Variants in CTCF observed in about 807,000 individuals in gnomAD.
The protein encoded by CTCF is CCCTC-binding factor.
CTCF carries 7 observed loss-of-function variants against 72.3 expected under a neutral mutation model. The observed-to-expected ratio is 0.10, with a 90% CI of 0.06 to 0.18. The LOEUF (loss-of-function observed/expected upper bound fraction) is 0.18, where lower values mean the gene tolerates loss of function less well. Among genes scored for constraint, CTCF ranks in the 10% least tolerant of loss-of-function variants. The pLI is 1.00. For missense variants in CTCF, 516 were observed against 949.1 expected, an observed-to-expected ratio of 0.54 and a Z score of 6.00; for synonymous variants, 374 against 315.8, an observed-to-expected ratio of 1.18 and a Z score of -1.95.
intron 2 of CTCF, among the ~76,000 whole-genome samples, chr16:67,582,553 TATG>T (rs2051599102): frequency 6.6e-6 from 1 of 151,796 alleles, no homozygotes; most frequent in Non-Finnish European, 1.5e-5. Flanking sequence ...ATCAGCCGAA[TATG>T]GTGGTGGGTG....
intron 4 of CTCF, 173 bp downstream of exon 4, chr16:67,612,294 A>G: frequency 1.9e-6 from 1 of 524,200 alleles, no homozygotes; most frequent in Non-Finnish European, 3.2e-6. Flanking sequence ...ATTATAGACA[A>G]ATGTAAAGAA....
intron 10 of CTCF, among the ~76,000 whole-genome samples, chr16:67,631,261 G>C (rs905911309): frequency 1.3e-5 from 2 of 150,866 alleles, no homozygotes; most frequent in African/African-American, 2.5e-5. Flanking sequence ...CACCTTCTGG[G>C]TTCAAGCGAT....
At chr16:67,605,641 C>T (rs1567606106) in intron 2 of CTCF, among the ~76,000 whole-genome samples, 1 of 152,184 alleles carries the variant, frequency 6.6e-6, no homozygotes, top group South Asian at 2.1e-4. Flanking sequence ...CCTTAAAGAG[C>T]TTTCACACCC....
At chr16:67,624,118 T>TGTGTA (rs1491213745) in intron 7 of CTCF, among the ~76,000 whole-genome samples, 3 of 120,982 alleles carry the variant, frequency 2.5e-5, no homozygotes, top group East Asian at 2.2e-4. Flanking sequence ...TGTGTGTGTA[T>TGTGTA]GTGTGTGTAT....
chr16:67,629,315 A>G (rs2052331909), intron 9 of CTCF, 83 bp from the exon 10 acceptor site: 1 of 1,361,760 alleles, frequency 7.3e-7, no homozygotes, highest in Non-Finnish European at 1.0e-6. Flanking sequence ...TAGGCTTAAT[A>G]TGGATTTTAT....
chr16:67,589,123 C>G (rs1235578494), intron 2 of CTCF, among the ~76,000 whole-genome samples: 1 of 152,058 alleles, frequency 6.6e-6, no homozygotes, highest in Non-Finnish European at 1.5e-5. Context: ...AAGACCCCAC[C>G]TCTACAAAAT....
chr16:67,624,099 G>GTGTGTGTT (rs2052244877), intron 7 of CTCF, among the ~76,000 whole-genome samples: 3 of 131,662 alleles, frequency 2.3e-5, no homozygotes, highest in African/African-American at 9.3e-5. Context: ...GTGTGTGTGT[G>GTGTGTGTT]TGTGTGTGTG....
chr16:67,577,169 A>G (rs2051508439), intron 2 of CTCF, among the ~76,000 whole-genome samples: 1 of 151,638 alleles, frequency 6.6e-6, no homozygotes, highest in African/African-American at 2.4e-5. Flanking sequence ...CTGTAATCCC[A>G]GCACTTCGGG....
At chr16:67,629,958 A>G (rs1597727844) in intron 10 of CTCF, among the ~76,000 whole-genome samples, 1 of 149,608 alleles carries the variant, frequency 6.7e-6, no homozygotes, top group African/African-American at 2.5e-5. Flanking sequence ...TGTATTTTTT[A>G]GTAGAGACGG....
At chr16:67,615,758 G>A (rs74026415) in intron 4 of CTCF, 1 of 152,088 alleles carries the variant, frequency 6.6e-6, no homozygotes, top group Non-Finnish European at 1.5e-5. Flanking sequence ...CTAAAGAATC[G>A]AATGAACAAA....
At chr16:67,609,224 T>C (rs868541096) in intron 2 of CTCF, among the ~76,000 whole-genome samples, 13 of 152,182 alleles carry the variant, frequency 8.5e-5, no homozygotes, top group African/African-American at 2.9e-4. Flanking sequence ...CTAATTCATA[T>C]ATGCATCATC....
intron 2 of CTCF, among the ~76,000 whole-genome samples, chr16:67,608,272 G>A (rs55857280): frequency 2.6e-5 from 4 of 151,098 alleles, no homozygotes; most frequent in Non-Finnish European, 4.4e-5. Flanking sequence ...TGCAGTGAGC[G>A]GAGATCGTGC....
At chr16:67,624,158 TATATATATATGTATTC>T (rs1394878742) in intron 7 of CTCF, among the ~76,000 whole-genome samples, 3 of 141,120 alleles carry the variant, frequency 2.1e-5, no homozygotes, top group Non-Finnish European at 3.1e-5. Context: ...TATATGTGTG[TATATATATATGTATTC>T]ATATATATAT....
At position 67,611,938 on chromosome 16, in the gene CTCF, A is replaced by G. The variant is rs763322010; in HGVS notation, c.782-13A>G. 3 of 1,612,316 alleles carry G rather than the reference A, an allele frequency of 1.9e-6. No homozygotes were observed. Among genetic ancestry groups the G allele is most frequent in the Admixed American group, 1.7e-5 (1 of 59,938 alleles). ...AAACTCTGCAGCAAGTAAGTGTTTT[A>G]TTTTGCACATAGGTGTAAAGAAGAC... On this transcript the variant is annotated splice_polypyrimidine_tract_variant and intron_variant, in intron 3 of 11. Transcript: ENST00000264010.
chr16:67,600,208 A>G (rs912953975), intron 2 of CTCF, among the ~76,000 whole-genome samples: 3 of 152,002 alleles, frequency 2.0e-5, no homozygotes, highest in Admixed American at 1.3e-4. Flanking sequence ...CCTTTTTAGT[A>G]AGGACAGATA....
chr16:67,631,353 T>G (rs1359432518), intron 10 of CTCF, among the ~76,000 whole-genome samples: 3 of 151,858 alleles, frequency 2.0e-5, no homozygotes, highest in Non-Finnish European at 4.4e-5. Flanking sequence ...TTAGTAGAGA[T>G]AGGGTTTCAC....
intron 7 of CTCF, among the ~76,000 whole-genome samples, chr16:67,624,131 A>G (rs865843939): frequency 0.041 from 5,685 of 139,040 alleles, 138 homozygotes; most frequent in Non-Finnish European, 0.048. Flanking sequence ...GTGTGTATAT[A>G]TATGTGTGTG....
intron 2 of CTCF, among the ~76,000 whole-genome samples, chr16:67,588,115 C>A (rs2142758038): frequency 1.3e-5 from 2 of 152,246 alleles, no homozygotes; most frequent in East Asian, 3.9e-4. Context: ...GCCTCGGTCT[C>A]CCAAAGTGCT....
At chr16:67,599,656 T>A (rs1209815976) in intron 2 of CTCF, among the ~76,000 whole-genome samples, 1 of 152,198 alleles carries the variant, frequency 6.6e-6, no homozygotes, top group Non-Finnish European at 1.5e-5. Flanking sequence ...AAAATTTTTT[T>A]ATCTAAGCTT....
Sources: gnomAD v4.1 joint callset for allele counts (sites outside exome capture counted in the v4.1 genomes callset) on GRCh38, gnomAD v4.1.1 for gene constraint, MANE v1.5 for transcripts, NCBI Gene and HGNC (gene_info 2026-07-23, HGNC 2026-07-21) for gene names.